TMEM108: variants seen among roughly 807,000 people sequenced by gnomAD.
The protein encoded by TMEM108 is transmembrane protein 108.
A neutral mutation model predicts 35.1 loss-of-function variants in TMEM108; 12 were observed. That is an observed-to-expected ratio of 0.34 (90% CI 0.22 to 0.55). TMEM108 has a LOEUF of 0.55. Ranked by LOEUF, TMEM108 falls within the 20% of genes least tolerant of loss-of-function variation. The probability of loss-of-function intolerance (pLI) is 0.89; values close to 1 mark genes in which losing one functional copy is unlikely to be tolerated. For synonymous variants in TMEM108, 287 were observed against 308.6 expected (o/e 0.93, Z 0.73); for missense variants, 680 against 753.3 (o/e 0.90, Z 1.14).
chr3:133,378,314 T>G (rs535229562), intron 3 of TMEM108: 34 of 983,502 alleles, frequency 3.5e-5, no homozygotes, highest in Non-Finnish European at 3.7e-5. Context: ...TGCCTGGAGA[T>G]CTCCTCCCCA....
At chr3:133,308,487 C>G (rs561157275) in intron 3 of TMEM108, among the ~76,000 whole-genome samples, 42 of 152,142 alleles carry the variant, frequency 2.8e-4, no homozygotes, top group Admixed American at 2.7e-3. Context: ...GTATGATATT[C>G]GCTGTGGGTT....
chr3:133,107,757 C>A (rs1226689616), intron 2 of TMEM108, among the ~76,000 whole-genome samples: 2 of 152,118 alleles, frequency 1.3e-5, no homozygotes, highest in Non-Finnish European at 2.9e-5. Flanking sequence ...TTACCTGATC[C>A]TGGTCACTGA....
chr3:133,288,453 T>A (rs562577113), intron 3 of TMEM108, among the ~76,000 whole-genome samples: 2 of 152,306 alleles, frequency 1.3e-5, no homozygotes, highest in South Asian at 4.1e-4. Flanking sequence ...CTTTAGAACA[T>A]AATGTGTTCT....
At chr3:133,089,600 T>C (rs1308819658) in intron 2 of TMEM108, among the ~76,000 whole-genome samples, 1 of 152,178 alleles carries the variant, frequency 6.6e-6, no homozygotes, top group Non-Finnish European at 1.5e-5. Context: ...AACAGTGAAC[T>C]TGACAAGGAC....
At chr3:133,058,612 G>T (rs1943501228) in intron 2 of TMEM108, among the ~76,000 whole-genome samples, 1 of 152,232 alleles carries the variant, frequency 6.6e-6, no homozygotes, top group Non-Finnish European at 1.5e-5. Flanking sequence ...CACTTGAGGG[G>T]TGAGAGGCCC....
At chr3:133,369,352 G>A (rs779933504) in intron 3 of TMEM108, among the ~76,000 whole-genome samples, 2 of 152,166 alleles carry the variant, frequency 1.3e-5, no homozygotes, top group Non-Finnish European at 2.9e-5. Context: ...AATTGTGAAC[G>A]AGACTGGACG....
intron 2 of TMEM108, among the ~76,000 whole-genome samples, chr3:133,087,434 G>C (rs1018721048): frequency 2.6e-5 from 4 of 152,212 alleles, no homozygotes; most frequent in Non-Finnish European, 5.9e-5. Context: ...CAGTCTGGGA[G>C]ATCAGACAGT....
chr3:133,092,831 A>G (rs566771622), intron 2 of TMEM108, among the ~76,000 whole-genome samples: 1 of 152,308 alleles, frequency 6.6e-6, no homozygotes, highest in South Asian at 2.1e-4. Flanking sequence ...AGAGGCATCA[A>G]GTATTTAAAA....
intron 2 of TMEM108, among the ~76,000 whole-genome samples, chr3:133,048,911 CAA>C (rs1351946215): frequency 2.0e-5 from 3 of 152,192 alleles, no homozygotes; most frequent in Non-Finnish European, 4.4e-5. Flanking sequence ...TAGTACTACT[CAA>C]AGTGTGGCCT....
intron 3 of TMEM108, among the ~76,000 whole-genome samples, chr3:133,273,714 C>T (rs1946802321): frequency 6.6e-6 from 1 of 152,168 alleles, no homozygotes; most frequent in Non-Finnish European, 1.5e-5. Flanking sequence ...TTACAAAATG[C>T]TCCATTTCAA....
intron 5 of TMEM108, among the ~76,000 whole-genome samples, chr3:133,393,870 A>G (rs893349237): frequency 2.0e-5 from 3 of 152,338 alleles, no homozygotes; most frequent in African/African-American, 7.2e-5. Context: ...GGCACAGAGC[A>G]CGAGGGCTGC....
intron 2 of TMEM108, among the ~76,000 whole-genome samples, chr3:133,100,943 A>G (rs771041915): frequency 1.3e-5 from 2 of 152,168 alleles, no homozygotes; most frequent in Non-Finnish European, 2.9e-5. Flanking sequence ...TTGTGTGTAT[A>G]ATAACTGATT....
rs183966103 is a variant in TMEM108 at position 133,153,213 on chromosome 3, G to C, written c.-46-76053G>C. On this transcript the variant is annotated intron_variant, in intron 2 of 5. Coordinates refer to ENST00000321871, the MANE Select transcript of TMEM108 (RefSeq NM_023943.4). ...TTTCATCTTGGGTCCCTCATAAATTGTTCGATTCCAGACAAATGCCTTAAA... is the reference window on the plus strand; with the variant it reads ...TTTCATCTTGGGTCCCTCATAAATTCTTCGATTCCAGACAAATGCCTTAAA... Among the ~76,000 whole-genome samples the C allele has an allele frequency of 3.1e-4, 47 of 152,194 alleles. 1 individual carries two copies. The highest frequency in any genetic ancestry group is 3.1e-3 in the Admixed American group (47 of 15,262).
At chr3:133,042,272 T>C (rs967446282) in intron 1 of TMEM108, among the ~76,000 whole-genome samples, 3 of 152,206 alleles carry the variant, frequency 2.0e-5, no homozygotes, top group African/African-American at 7.2e-5. Flanking sequence ...TTTGTGTAGT[T>C]CCCATCCTAT....
At chr3:133,151,671 G>T (rs1944803596) in intron 2 of TMEM108, among the ~76,000 whole-genome samples, 1 of 151,956 alleles carries the variant, frequency 6.6e-6, no homozygotes, top group Non-Finnish European at 1.5e-5. Context: ...CAGGCTTAAT[G>T]GTTTATAACC....
At chr3:133,272,344 G>A (rs969930912) in intron 3 of TMEM108, among the ~76,000 whole-genome samples, 1 of 150,114 alleles carries the variant, frequency 6.7e-6, no homozygotes, top group South Asian at 2.1e-4. Context: ...TAATATCTGA[G>A]AATAGACTTC....
At position 133,380,915 on chromosome 3, in the gene TMEM108, G is replaced by A. The variant is rs1429657593; in HGVS notation, c.1204G>A (p.Glu402Lys). The A allele has an allele frequency of 1.2e-6, 2 of 1,614,144 alleles. No individual in the cohort carries two copies. Among genetic ancestry groups the A allele is most frequent in the Admixed American group, 3.3e-5 (2 of 60,022 alleles). Residue 402 changes from glutamate (E) to lysine (K), a missense_variant, in exon 4 of 6, where the codon GAG becomes AAG. Physicochemically the swap from Glu to Lys is moderately conservative, Grantham distance 56. This residue lies in a region of TMEM108 where 526 missense variants were observed against 532.1 expected (regional missense o/e 0.99). Coordinates refer to ENST00000321871, the MANE Select transcript of TMEM108 (RefSeq NM_023943.4). The surrounding 1 kb of genome is among the most constrained non-coding windows in gnomAD (Gnocchi z 5.3). ...AGAAAGCACTATTTCTGGAGCCAAGGAGGAGACTGTGGCCACCCTCACCAT... is the reference window on the plus strand; with the variant it reads ...AGAAAGCACTATTTCTGGAGCCAAGAAGGAGACTGTGGCCACCCTCACCAT... ...VSESTISGAK[E>K]ETVATLTMTD...
chr3:133,047,414 A>G (rs1362932371), intron 2 of TMEM108, among the ~76,000 whole-genome samples: 12 of 152,218 alleles, frequency 7.9e-5, no homozygotes, highest in East Asian at 5.8e-4. Context: ...CAAGGACTAC[A>G]TTGTGGAGGG....
intron 2 of TMEM108, among the ~76,000 whole-genome samples, chr3:133,073,510 C>CTCTCTCTCTCTCTCTATATATATATATA: frequency 6.8e-5 from 3 of 43,902 alleles, no homozygotes; most frequent in African/African-American, 2.4e-4. Flanking sequence ...CTCTCTCTCT[C>CTCTCTCTCTCTCTCTATATATATATATA]TATATATATA....
Sources: gnomAD v4.1 joint callset for allele counts (sites outside exome capture counted in the v4.1 genomes callset) on GRCh38, gnomAD v4.1.1 for gene constraint, gnomAD v4.1.1 regional missense constraint, Gnocchi (gnomAD v3.1) non-coding constraint, MANE v1.5 for transcripts, NCBI Gene and HGNC (gene_info 2026-07-23, HGNC 2026-07-21) for gene names.